Variants in ASXL3 observed in about 807,000 individuals in gnomAD.
The protein encoded by ASXL3 is ASXL transcriptional regulator 3.
A neutral mutation model predicts 170.6 loss-of-function variants in ASXL3; 34 were observed. That is an observed-to-expected ratio of 0.20 (90% confidence interval 0.15 to 0.27). The LOEUF is 0.27. Ranked by LOEUF, ASXL3 falls within the 10% of genes least tolerant of loss-of-function variation. The pLI, the probability that ASXL3 is intolerant of heterozygous loss-of-function variation, is 1.00. For synonymous variants in ASXL3, 1,002 were observed against 989.1 expected (o/e 1.01, Z -0.24); for missense variants, 2,592 against 2,695.3 (o/e 0.96, Z 0.85).
rs377428179 is a variant in ASXL3 at position 33,746,070 on chromosome 18, C to T, written c.6222C>T (p.Gly2074=). The change falls in exon 12 of 12, where the codon GGC becomes GGT. Residue 2074 remains glycine, a synonymous_variant. Transcript: ENST00000269197. ...GACTTAGTTGGCCACAGTCCACGGG[C>T]ATATGTAGCAATATAAAATCGGAAC... ...TKRLSWPQST[G]ICSNIKSEPL... is the part of the protein sequence containing the mutation. The T allele has an allele frequency of 6.2e-7, 1 of 1,613,228 alleles. No homozygotes were observed. The highest frequency in any genetic ancestry group is 1.1e-5 in the South Asian group (1 of 91,050).
intron 8 of ASXL3, among the ~76,000 whole-genome samples, chr18:33,718,108 A>G (rs2067195659): frequency 6.6e-6 from 1 of 152,146 alleles, no homozygotes; most frequent in African/African-American, 2.4e-5. Flanking sequence ...GAGGCATCAA[A>G]TACAACTAAA....
chr18:33,688,271 T>A lies in ASXL3; in HGVS notation c.879+4703T>A, dbSNP rs56145164. 7.5e-3 allele frequency among the ~76,000 whole-genome samples: 1,137 copies of A among 152,340 alleles called. 10 individuals are homozygous for A. Among genetic ancestry groups the A allele is most frequent in the Non-Finnish European group, 0.012 (812 of 68,030 alleles). On this transcript the variant is annotated intron_variant, in intron 8 of 11. Coordinates refer to ENST00000269197, the MANE Select transcript of ASXL3 (RefSeq NM_030632.3). ...GTGCACTTGTGGTAGAGGTCAGAGA[T>A]ACTGTAAAAATCTGTTTTTTAGAAG...
At chr18:33,697,360 T>C (rs1470080933) in intron 8 of ASXL3, among the ~76,000 whole-genome samples, 1 of 152,100 alleles carries the variant, frequency 6.6e-6, no homozygotes, top group East Asian at 1.9e-4. Context: ...GCTTATAGTC[T>C]AGCAAGAGAA....
intron 8 of ASXL3, among the ~76,000 whole-genome samples, chr18:33,715,075 G>C (rs1436797882): frequency 2.6e-5 from 4 of 152,112 alleles, no homozygotes; most frequent in Non-Finnish European, 5.9e-5. Flanking sequence ...AACTGACTCA[G>C]GACAATGGAC....
At chr18:33,687,902 C>T (rs538580502) in intron 8 of ASXL3, among the ~76,000 whole-genome samples, 1 of 152,188 alleles carries the variant, frequency 6.6e-6, no homozygotes. Flanking sequence ...GGGTGGGCTT[C>T]TTGTTCTTGG....
At chr18:33,648,689 A>G (rs756644532) in intron 4 of ASXL3, among the ~76,000 whole-genome samples, 1 of 151,946 alleles carries the variant, frequency 6.6e-6, no homozygotes, top group African/African-American at 2.4e-5. Flanking sequence ...AACTGAAGGT[A>G]AATAGAAAAG....
At position 33,739,754 on chromosome 18, in the gene ASXL3, G is replaced by T; in HGVS notation, c.2350G>T (p.Asp784Tyr). Residue 784 changes from aspartate (D) to tyrosine (Y), a missense_variant, in exon 11 of 12, where the codon GAT (aspartate) becomes TAT (tyrosine). By Grantham distance (160) the Asp-to-Tyr change is radical. Transcript: ENST00000269197. ...VSEEPLSPQKDESSATAKPLG... is the reference protein window; with the variant it reads ...VSEEPLSPQKYESSATAKPLG... The stretch of plus-strand genomic sequence containing the variant: ...TGAAGAGCCACTCTCCCCGCAGAAA[G>T]ATGAGTCTTCCGCCACTGCCAAACC... The T allele has an allele frequency of 6.2e-7, 1 of 1,613,810 alleles. No individual in the cohort carries two copies. The highest frequency in any genetic ancestry group is 8.5e-7 in the Non-Finnish European group (1 of 1,179,834).
intron 4 of ASXL3, among the ~76,000 whole-genome samples, chr18:33,655,961 T>A (rs955734209): frequency 2.0e-5 from 3 of 152,044 alleles, no homozygotes; most frequent in Admixed American, 6.6e-5. Flanking sequence ...AAACATTTTT[T>A]AAAAATTCTT....
intron 8 of ASXL3, among the ~76,000 whole-genome samples, chr18:33,730,001 A>G (rs1043965556): frequency 6.6e-6 from 1 of 152,020 alleles, no homozygotes; most frequent in Non-Finnish European, 1.5e-5. Flanking sequence ...TTCTTTGCCT[A>G]CTGGTCCAAC....
intron 2 of ASXL3, among the ~76,000 whole-genome samples, chr18:33,625,358 G>A (rs887493845): frequency 6.6e-6 from 1 of 152,134 alleles, no homozygotes; most frequent in African/African-American, 2.4e-5. Context: ...GAAGATTCTT[G>A]TACTTGACTG....
chr18:33,610,728 G>A (rs1373409864), intron 2 of ASXL3, among the ~76,000 whole-genome samples: 2 of 151,924 alleles, frequency 1.3e-5, no homozygotes, highest in Admixed American at 6.6e-5. Flanking sequence ...TTAATTTGCT[G>A]GTGCTTAGTA....
At chr18:33,726,673 A>G (rs1161788993) in intron 8 of ASXL3, among the ~76,000 whole-genome samples, 6 of 152,162 alleles carry the variant, frequency 3.9e-5, no homozygotes, top group Non-Finnish European at 8.8e-5. Flanking sequence ...TTGAAATCAC[A>G]TATGTGACTC....
At chr18:33,664,488 GTTA>G (rs570290969) in intron 5 of ASXL3, among the ~76,000 whole-genome samples, 109 of 152,218 alleles carry the variant, frequency 7.2e-4, no homozygotes, top group Non-Finnish European at 1.2e-3. Context: ...ATATGTCATT[GTTA>G]TTTTATTAGA....
In ASXL3 at chr18:33,750,382, T is replaced by C. The variant is rs985773825; in HGVS notation, c.*3787T>C. On this transcript the variant is annotated 3_prime_UTR_variant, in exon 12 of 12. Transcript: ENST00000269197. ...TGTACTATATTTGATAGTTGCAGAA[T>C]AATTTAGACTGTAGAAAAACTTTGT... The C allele has an allele frequency of 1.3e-5, 2 of 152,248 alleles. No individual in the cohort carries two copies. The highest frequency in any genetic ancestry group is 2.9e-5 in the Non-Finnish European group (2 of 68,042). 9.4% of individuals were successfully genotyped at this position (152,248 alleles called of 1,614,324 possible).
At chr18:33,671,339 A>G (rs1436162537) in intron 6 of ASXL3, among the ~76,000 whole-genome samples, 1 of 152,124 alleles carries the variant, frequency 6.6e-6, no homozygotes, top group East Asian at 1.9e-4. Flanking sequence ...TTCTGTTCAT[A>G]CTTCAACATA....
intron 2 of ASXL3, among the ~76,000 whole-genome samples, chr18:33,628,036 G>T (rs2065626509): frequency 6.6e-6 from 1 of 152,002 alleles, no homozygotes; most frequent in Admixed American, 6.6e-5. Flanking sequence ...TGTCATTTTG[G>T]CAAAAAGGCA....
chr18:33,595,129 A>G (rs114228644), intron 1 of ASXL3, among the ~76,000 whole-genome samples: 1 of 152,300 alleles, frequency 6.6e-6, no homozygotes, highest in African/African-American at 2.4e-5. Context: ...GAAGCCTTGG[A>G]ATCAGGAATT....
At chr18:33,642,852 T>G (rs1056938995) in intron 2 of ASXL3, among the ~76,000 whole-genome samples, 2 of 151,924 alleles carry the variant, frequency 1.3e-5, no homozygotes, top group Non-Finnish European at 2.9e-5. Flanking sequence ...TAAATTATAG[T>G]AATGTTACAT....
At chr18:33,690,501 A>G (rs1001503261) in intron 8 of ASXL3, among the ~76,000 whole-genome samples, 10 of 152,160 alleles carry the variant, frequency 6.6e-5, no homozygotes, top group African/African-American at 2.4e-4. Context: ...ATGTGAGCCT[A>G]TTTACGTAAT....
Sources: gnomAD v4.1 joint callset for allele counts (sites outside exome capture counted in the v4.1 genomes callset) on GRCh38, gnomAD v4.1.1 for gene constraint, MANE v1.5 for transcripts, NCBI Gene and HGNC (gene_info 2026-07-23, HGNC 2026-07-21) for gene names.